Variants in RBPMS observed in about 807,000 individuals in gnomAD.
RBPMS encodes the protein RNA binding protein, mRNA processing factor.
In RBPMS, 7 loss-of-function variants were observed where a neutral mutation model predicts 26.8. That is an observed-to-expected ratio of 0.26 (90% CI 0.15 to 0.49). The LOEUF (loss-of-function observed/expected upper bound fraction) is 0.49. Ranked by LOEUF, RBPMS falls within the 20% of genes least tolerant of loss-of-function variation. The pLI is 0.98. For synonymous variants in RBPMS, 96 were observed against 93.3 expected (o/e 1.03, Z -0.17); for missense variants, 186 against 250.0 (o/e 0.74, Z 1.73).
At chr8:30,446,424 T>C (rs1813778477) in intron 1 of RBPMS, among the ~76,000 whole-genome samples, 2 of 152,136 alleles carry the variant, frequency 1.3e-5, no homozygotes, top group South Asian at 4.1e-4. Flanking sequence ...ACAGGTAGAC[T>C]ACTTCAGCCA....
intron 5 of RBPMS, among the ~76,000 whole-genome samples, chr8:30,532,639 A>G (rs1171141305): frequency 2.0e-5 from 3 of 152,156 alleles, no homozygotes; most frequent in Admixed American, 6.5e-5. Flanking sequence ...GTCACCTTTC[A>G]CCACCATACG....
intron 1 of RBPMS, among the ~76,000 whole-genome samples, chr8:30,437,013 C>A (rs1393729660): frequency 6.6e-6 from 1 of 151,268 alleles, no homozygotes; most frequent in Non-Finnish European, 1.5e-5. Flanking sequence ...AGCTCTGCCT[C>A]CTGGGTTCAC....
intron 1 of RBPMS, among the ~76,000 whole-genome samples, chr8:30,391,476 T>G (rs1468434534): frequency 6.6e-6 from 1 of 151,944 alleles, no homozygotes; most frequent in Non-Finnish European, 1.5e-5. Context: ...GAAAAAAACT[T>G]AGGAAGGAAT....
rs1344597882 is a variant in RBPMS, at chr8:30,410,205, TTTTA to T, written c.66+25054_66+25057del. 5.3e-5 allele frequency among the ~76,000 whole-genome samples: 8 copies of T among 150,486 alleles called. No homozygotes were observed. In the East Asian group the frequency reaches 7.8e-4, roughly 15 times the overall value. The stretch of plus-strand genomic sequence containing the variant: ...ACACACACACACTTAACTGCTACTC[TTTTA>T]TTTATTATTTTTTTTGAGACGGAGT... On this transcript the variant is annotated intron_variant, in intron 1 of 8. Transcript: ENST00000397323.
At chr8:30,525,358 TC>T (rs1303743864) in intron 5 of RBPMS, among the ~76,000 whole-genome samples, 1 of 152,142 alleles carries the variant, frequency 6.6e-6, no homozygotes, top group African/African-American at 2.4e-5. Context: ...ACTTGACCCT[TC>T]TCCTTCCTCC....
Position 30,511,603 on chromosome 8 carries a change from G to GTA in RBPMS, c.397+7177_397+7178dup, listed in dbSNP as rs1164375151. 4.8e-5 allele frequency among the ~76,000 whole-genome samples: 7 copies of GTA among 146,510 alleles called. No homozygotes were observed. In the East Asian group the frequency reaches 7.9e-4, roughly 16 times the overall value. ...TATGTGTATAGATATATATATTTGT[G>GTA]TATATATATATTTGTATATATATGT... On this transcript the variant is annotated intron_variant, in intron 5 of 8. Transcript: ENST00000397323.
At chr8:30,494,159 C>G (rs1234698780) in intron 4 of RBPMS, among the ~76,000 whole-genome samples, 1 of 152,172 alleles carries the variant, frequency 6.6e-6, no homozygotes, top group Non-Finnish European at 1.5e-5. Context: ...GCAGGACACA[C>G]GTCAGCTCCC....
At chr8:30,441,425 T>C (rs1249280420) in intron 1 of RBPMS, among the ~76,000 whole-genome samples, 1 of 152,160 alleles carries the variant, frequency 6.6e-6, no homozygotes, top group East Asian at 1.9e-4. Flanking sequence ...TTGGCAGAAC[T>C]ATTAGAAAAA....
intron 1 of RBPMS, among the ~76,000 whole-genome samples, chr8:30,435,120 A>G (rs1204249290): frequency 1.3e-5 from 2 of 152,208 alleles, no homozygotes; most frequent in Admixed American, 6.5e-5. Flanking sequence ...GAGCACTGAC[A>G]TGACGCCTCA....
At chr8:30,450,543 C>G (rs1242687370) in intron 1 of RBPMS, among the ~76,000 whole-genome samples, 5 of 152,136 alleles carry the variant, frequency 3.3e-5, no homozygotes, top group Non-Finnish European at 7.4e-5. Context: ...AGGTCATGAG[C>G]AAATGGCAAC....
At chr8:30,547,629 T>G in intron 6 of RBPMS, 1 of 643,060 alleles carries the variant, frequency 1.6e-6, no homozygotes, top group Non-Finnish European at 2.4e-6. Flanking sequence ...CAAGTCTATT[T>G]TACATAGAAG....
intron 6 of RBPMS, chr8:30,553,503 C>T (rs1486537112): frequency 2.0e-5 from 3 of 152,212 alleles, no homozygotes; most frequent in Non-Finnish European, 4.4e-5. Context: ...CTGTAATGGC[C>T]TAACGTGCTT....
At chr8:30,516,770 T>TACA in intron 5 of RBPMS, among the ~76,000 whole-genome samples, 1 of 152,170 alleles carries the variant, frequency 6.6e-6, no homozygotes, top group Admixed American at 6.6e-5. Context: ...GGCATACGCC[T>TACA]GTAGTCCCAG....
At chr8:30,386,814 A>G (rs972022636) in intron 1 of RBPMS, among the ~76,000 whole-genome samples, 8 of 152,208 alleles carry the variant, frequency 5.3e-5, no homozygotes, top group Admixed American at 1.3e-4. Flanking sequence ...GGGTTAGAAT[A>G]TTATATGAAA....
chr8:30,422,226 C>T (rs1810880083), intron 1 of RBPMS, among the ~76,000 whole-genome samples: 2 of 151,556 alleles, frequency 1.3e-5, no homozygotes, highest in African/African-American at 4.8e-5. Flanking sequence ...AGTGATTCTC[C>T]TGTCTCAGCC....
rs1392551749 is a variant in RBPMS at position 30,470,912 on chromosome 8, C to T, written c.67-3867C>T. 2.6e-5 allele frequency among the ~76,000 whole-genome samples: 4 copies of T among 152,188 alleles called. No individual in the cohort carries two copies. In the East Asian group the frequency reaches 7.7e-4, roughly 29 times the overall value. On this transcript the variant is annotated intron_variant, in intron 1 of 8. Coordinates refer to ENST00000397323, the MANE Select transcript of RBPMS (RefSeq NM_001008710.3). ...ACTAAGATAAGAATCTCTTCGCTTTCCATTATGGAATATTTACATAAGAAA... is the reference window on the plus strand; with the variant it reads ...ACTAAGATAAGAATCTCTTCGCTTTTCATTATGGAATATTTACATAAGAAA...
In RBPMS at chr8:30,497,500, C is replaced by T. The variant is rs542210300; in HGVS notation, c.247-6786C>T. Among the ~76,000 whole-genome samples the T allele has an allele frequency of 3.3e-5, 5 of 152,284 alleles. No homozygotes were observed. In the East Asian group the frequency reaches 9.7e-4, roughly 29 times the overall value. On this transcript the variant is annotated intron_variant, in intron 4 of 8. Coordinates refer to ENST00000397323, the MANE Select transcript of RBPMS (RefSeq NM_001008710.3). ...CAGAGAGGTTGTAGTGACCCAAAAT[C>T]ATGCCACTGCACTCCAGCCCGGGTG...
chr8:30,443,866 A>C (rs1436362098), intron 1 of RBPMS, among the ~76,000 whole-genome samples: 1 of 151,948 alleles, frequency 6.6e-6, no homozygotes, highest in East Asian at 1.9e-4. Context: ...AAATGCTGGG[A>C]TTACAGGTGT....
chr8:30,571,500 G>GGGTT lies in RBPMS; in HGVS notation c.*978_*981dup, dbSNP rs1329629315. ...GGGAGGCCAGCCCTGGCCCTTGAAG[G>GGGTT]GGTTGGCTGTGCCCAGCCCACCTGG... On this transcript the variant is annotated 3_prime_UTR_variant, in exon 9 of 9. Transcript: ENST00000397323. 1 of 152,290 alleles carries GGGTT rather than the reference G, an allele frequency of 6.6e-6. No individual in the cohort carries two copies. Among genetic ancestry groups the GGGTT allele is most frequent in the Non-Finnish European group, 1.5e-5 (1 of 68,080 alleles). 9.4% of individuals were successfully genotyped at this position (152,290 alleles called of 1,614,324 possible). A position where few individuals can be genotyped will look rare whatever the true frequency, so the allele number is the denominator to read the frequency against.
Sources: gnomAD v4.1 joint callset for allele counts (sites outside exome capture counted in the v4.1 genomes callset) on GRCh38, gnomAD v4.1.1 for gene constraint, MANE v1.5 for transcripts, NCBI Gene and HGNC (gene_info 2026-07-23, HGNC 2026-07-21) for gene names.